SREBF2: variants seen among roughly 807,000 people sequenced by gnomAD.
The protein encoded by SREBF2 is sterol regulatory element binding transcription factor 2.
A neutral mutation model predicts 113.1 loss-of-function variants in SREBF2; 55 were observed. That is an observed-to-expected ratio of 0.49 (90% CI 0.39 to 0.61). The LOEUF (loss-of-function observed/expected upper bound fraction) is 0.61. Among genes scored for constraint, SREBF2 ranks in the 20% least tolerant of loss-of-function variants. The pLI, the probability that SREBF2 is intolerant of heterozygous loss-of-function variation, is 0.00. For missense variants in SREBF2, 1,349 were observed against 1,487.4 expected, an observed-to-expected ratio of 0.91 and a Z score of 1.53; for synonymous variants, 593 against 605.7, an observed-to-expected ratio of 0.98 and a Z score of 0.31.
At chr22:41,893,633 G>A (rs2077385064) in intron 12 of SREBF2, among the ~76,000 whole-genome samples, 2 of 152,168 alleles carry the variant, frequency 1.3e-5, no homozygotes, top group East Asian at 1.9e-4. Context: ...CAAAGGATGT[G>A]TGAGGCTTGC....
At chr22:41,897,832 C>T (rs1464498539) in intron 14 of SREBF2, among the ~76,000 whole-genome samples, 2 of 152,326 alleles carry the variant, frequency 1.3e-5, no homozygotes, top group East Asian at 3.9e-4. Context: ...TTTAGGGAAG[C>T]ATGACCATCC....
chr22:41,837,872 A>AG lies in SREBF2; in HGVS notation c.88+4514_88+4515insG, dbSNP rs1556026957. The stretch of plus-strand genomic sequence containing the variant: ...AGACTCTGTCTCAAAAAAAAAAAAA[A>AG]AAAGAAAGAAAGAAAGAAATACCCA... On this transcript the variant is annotated intron_variant, in intron 1 of 18. Coordinates refer to ENST00000361204, the MANE Select transcript of SREBF2 (RefSeq NM_004599.4). Among the ~76,000 whole-genome samples, 72 of 151,300 alleles carry AG rather than the reference A, an allele frequency of 4.8e-4. No homozygotes were observed. In the South Asian group the frequency reaches 9.8e-3, roughly 21 times the overall value.
chr22:41,898,807 CT>C, intron 15 of SREBF2, 26 bp downstream of exon 15: 1 of 1,613,076 alleles, frequency 6.2e-7, no homozygotes, highest in Non-Finnish European at 8.5e-7. Flanking sequence ...TGGCCACTCA[CT>C]TGCTTCTCTC....
chr22:41,847,924 T>G (rs1287676342), intron 1 of SREBF2, among the ~76,000 whole-genome samples: 1 of 149,732 alleles, frequency 6.7e-6, no homozygotes, highest in Non-Finnish European at 1.5e-5. Flanking sequence ...ATTATTATTT[T>G]TTTTTTTTTG....
rs984739850 is a variant in SREBF2 at position 41,833,409 on chromosome 22, T to A, written c.88+51T>A. On this transcript the variant is annotated intron_variant, in intron 1 of 18. Transcript: ENST00000361204. The surrounding 1 kb of genome is among the most constrained non-coding windows in gnomAD (Gnocchi z 4.1). ...GGGGGCCGCGCGGGGAGGAAGGGGT[T>A]ACGGCGGCGCGCCCGGGTGCGCGTG... 4 of 1,482,182 alleles carry A rather than the reference T, an allele frequency of 2.7e-6. No individual in the cohort carries two copies. The highest frequency in any genetic ancestry group is 3.6e-6 in the Non-Finnish European group (4 of 1,101,386). The allele number at this position is 1,482,182 out of a possible 1,614,324, so 91.8% of individuals were successfully genotyped here. A position where few individuals can be genotyped will look rare whatever the true frequency, so the allele number is the denominator to read the frequency against.
At position 41,905,467 on chromosome 22, in the gene SREBF2, G is replaced by A. The variant is rs959149043; in HGVS notation, c.3233G>A (p.Arg1078Gln). 4.4e-6 allele frequency: 7 copies of A among 1,578,908 alleles called. No homozygotes were observed. In the Admixed American group the frequency reaches 5.4e-5, roughly 12 times the overall value. ...HGEVDAWPGQRERATAILLAC... is the reference protein window; with the variant it reads ...HGEVDAWPGQQERATAILLAC... Reference sequence around the variant, plus strand: ...GAGGTGGATGCCTGGCCCGGCCAGCGAGAGCGGGCCACCGCCATCCTGCTG... The same window carrying A: ...GAGGTGGATGCCTGGCCCGGCCAGCAAGAGCGGGCCACCGCCATCCTGCTG... Residue 1078 changes from arginine (R) to glutamine (Q), a missense_variant, in exon 19 of 19, where the codon CGA (arginine) becomes CAA (glutamine). By Grantham distance (43) the Arg-to-Gln change is conservative (BLOSUM62 1). Transcript: ENST00000361204.
chr22:41,842,748 G>C (rs2076841351), intron 1 of SREBF2, among the ~76,000 whole-genome samples: 1 of 152,164 alleles, frequency 6.6e-6, no homozygotes, highest in African/African-American at 2.4e-5. Flanking sequence ...CCAGCACTTG[G>C]GGAGGCCGAG....
At chr22:41,890,321 G>A (rs980647501) in intron 11 of SREBF2, among the ~76,000 whole-genome samples, 3 of 152,216 alleles carry the variant, frequency 2.0e-5, no homozygotes, top group African/African-American at 7.2e-5. Flanking sequence ...TGCTGAGGCT[G>A]CATGCTCTCC....
At chr22:41,890,410 C>T (rs1431817663) in intron 11 of SREBF2, among the ~76,000 whole-genome samples, 2 of 152,254 alleles carry the variant, frequency 1.3e-5, no homozygotes, top group African/African-American at 2.4e-5. Context: ...CAGTGGCTCC[C>T]TTGATCACTT....
chr22:41,880,064 G>A (rs2077230926), intron 9 of SREBF2, among the ~76,000 whole-genome samples: 1 of 152,124 alleles, frequency 6.6e-6, no homozygotes. Flanking sequence ...TAGCAGACAT[G>A]GCATGAGAAT....
At chr22:41,839,541 G>A (rs182297704) in intron 1 of SREBF2, among the ~76,000 whole-genome samples, 146 of 152,310 alleles carry the variant, frequency 9.6e-4, no homozygotes, top group African/African-American at 3.2e-3. Flanking sequence ...AAGGCAGAAA[G>A]GAAGCAGGGG....
intron 1 of SREBF2, among the ~76,000 whole-genome samples, chr22:41,854,160 T>G (rs1220063514): frequency 6.6e-6 from 1 of 151,968 alleles, no homozygotes; most frequent in East Asian, 1.9e-4. Flanking sequence ...TTTTGTGTTT[T>G]TTTGTTTTTG....
At chr22:41,871,737 CA>C (rs1569393410) in intron 4 of SREBF2, among the ~76,000 whole-genome samples, 17 of 151,526 alleles carry the variant, frequency 1.1e-4, no homozygotes, top group African/African-American at 3.6e-4. Flanking sequence ...ACTAAAAATA[CA>C]AAAATTAGCT....
intron 5 of SREBF2, among the ~76,000 whole-genome samples, chr22:41,875,122 T>G (rs994740037): frequency 6.6e-6 from 1 of 152,206 alleles, no homozygotes; most frequent in Non-Finnish European, 1.5e-5. Flanking sequence ...ATTCACGCGC[T>G]TTCATTATCT....
intron 16 of SREBF2, among the ~76,000 whole-genome samples, chr22:41,900,770 C>G (rs772047572): frequency 6.6e-6 from 1 of 152,216 alleles, no homozygotes; most frequent in African/African-American, 2.4e-5. Flanking sequence ...TCTGTAAGCC[C>G]AGGTGCACCC....
intron 15 of SREBF2, 37 bp downstream of exon 15, chr22:41,898,818 C>T: frequency 1.2e-6 from 2 of 1,611,578 alleles, no homozygotes; most frequent in Non-Finnish European, 1.7e-6. Context: ...TTGCTTCTCT[C>T]CAGGGGAATC....
chr22:41,880,704 G>C lies in SREBF2; in HGVS notation c.1762-12G>C. On this transcript the variant is annotated splice_polypyrimidine_tract_variant and intron_variant, in intron 9 of 18. Coordinates refer to ENST00000361204, the MANE Select transcript of SREBF2 (RefSeq NM_004599.4). ...AGGCCAGTGACCATTAACACCTTTT[G>C]ATACTTTGTAGGGAGATTTTGCAGC... 1 of 1,614,166 alleles carries C rather than the reference G, an allele frequency of 6.2e-7. No homozygotes were observed. Among genetic ancestry groups the C allele is most frequent in the Non-Finnish European group, 8.5e-7 (1 of 1,180,038 alleles).
rs2076783235 is a variant in SREBF2, at chr22:41,837,103, C to T, written c.88+3745C>T. ...ATACAAGTTGAGTAAAATAAATGAA[C>T]AGTTTAGGCAGGGCACTGTGAGCAA... On this transcript the variant is annotated intron_variant, in intron 1 of 18. Transcript: ENST00000361204. Among the ~76,000 whole-genome samples the T allele has an allele frequency of 3.3e-5, 5 of 152,238 alleles. No individual in the cohort carries two copies. The South Asian group carries it at 6.2e-4, about 19-fold the overall frequency.
intron 4 of SREBF2, chr22:41,873,595 T>TCGCCGTA: frequency 1.7e-6 from 1 of 604,904 alleles, no homozygotes; most frequent in Non-Finnish European, 3.0e-6. Context: ...TCAGCAGTGA[T>TCGCCGTA]TCTTGAAGGG....
Sources: allele counts gnomAD v4.1 joint callset (sites outside exome capture counted in the v4.1 genomes callset), GRCh38; gene constraint gnomAD v4.1.1; non-coding constraint Gnocchi (gnomAD v3.1); transcripts MANE v1.5; gene names NCBI Gene and HGNC (gene_info 2026-07-23, HGNC 2026-07-21).